RAB5A: variants seen among roughly 807,000 people sequenced by gnomAD.
RAB5A encodes ras-related protein Rab-5A.
A neutral mutation model predicts 25.7 loss-of-function variants in RAB5A; 8 were observed. The ratio of observed to expected loss-of-function variants is 0.31; its 90% CI spans 0.18 to 0.56. The LOEUF (loss-of-function observed/expected upper bound fraction) is 0.56. RAB5A is among the 20% of genes least tolerant of loss of function. The probability of loss-of-function intolerance (pLI) is 0.91; values close to 1 mark genes in which losing one functional copy is unlikely to be tolerated. For missense variants in RAB5A, 192 were observed against 259.7 expected, an observed-to-expected ratio of 0.74 and a Z score of 1.79; for synonymous variants, 98 against 89.8, an observed-to-expected ratio of 1.09 and a Z score of -0.52.
chr3:19,978,702 C>G (rs1012660956), intron 5 of RAB5A: 2 of 200,164 alleles, frequency 1.0e-5, no homozygotes, highest in East Asian at 2.3e-4. Context: ...ATAGTTCAGA[C>G]AGACAGATTT....
At chr3:19,958,222 G>A (rs1322151971) in intron 2 of RAB5A, among the ~76,000 whole-genome samples, 1 of 152,142 alleles carries the variant, frequency 6.6e-6, no homozygotes, top group Non-Finnish European at 1.5e-5. Context: ...ATTTGTGGAA[G>A]TTAATCATTT....
intron 2 of RAB5A, among the ~76,000 whole-genome samples, chr3:19,957,671 C>T (rs1023553667): frequency 6.7e-6 from 1 of 149,128 alleles, no homozygotes; most frequent in Non-Finnish European, 1.5e-5. Context: ...GCGGAGGTTG[C>T]AGTGAGCTGA....
At position 19,984,603 on chromosome 3, in the gene RAB5A, T is replaced by G. The variant is rs1696997313; in HGVS notation, c.*780T>G. ...GCTGGCCATTACACAGGTTTTGTTG[T>G]TTGGGGTGGGGAGGGGGCTTTTGTT... On this transcript the variant is annotated 3_prime_UTR_variant, in exon 6 of 6. Transcript: ENST00000273047. 1 of 164,038 alleles carries G rather than the reference T, an allele frequency of 6.1e-6. No homozygotes were observed. The highest frequency in any genetic ancestry group is 1.3e-5 in the Non-Finnish European group (1 of 75,718). 10.2% of individuals were successfully genotyped at this position (164,038 alleles called of 1,614,324 possible).
chr3:19,954,975 A>T (rs1421642999), intron 2 of RAB5A, among the ~76,000 whole-genome samples: 1 of 152,160 alleles, frequency 6.6e-6, no homozygotes, highest in Non-Finnish European at 1.5e-5. Flanking sequence ...TTATGTTTCT[A>T]TTGTTGGTCT....
chr3:19,964,200 A>G (rs181688323), intron 2 of RAB5A, among the ~76,000 whole-genome samples: 21 of 144,632 alleles, frequency 1.5e-4, no homozygotes, highest in Non-Finnish European at 3.1e-4. Context: ...TCAGTAAAGT[A>G]TCTGTTGCCT....
At chr3:19,954,043 T>A (rs974520436) in intron 2 of RAB5A, among the ~76,000 whole-genome samples, 1 of 152,046 alleles carries the variant, frequency 6.6e-6, no homozygotes, top group Admixed American at 6.5e-5. Flanking sequence ...GAGACGGAAT[T>A]TCACTACGTG....
intron 2 of RAB5A, among the ~76,000 whole-genome samples, chr3:19,953,592 G>C (rs2125179055): frequency 6.6e-6 from 1 of 152,156 alleles, no homozygotes; most frequent in Admixed American, 6.5e-5. Flanking sequence ...ATTTTTAGTA[G>C]AGATGGGGTT....
intron 2 of RAB5A, among the ~76,000 whole-genome samples, chr3:19,966,975 T>C (rs1696670671): frequency 6.6e-6 from 1 of 152,172 alleles, no homozygotes. Flanking sequence ...AAATTTTTTA[T>C]AGAGACAGAG....
At chr3:19,981,735 A>G (rs543016031) in intron 5 of RAB5A, among the ~76,000 whole-genome samples, 1 of 152,176 alleles carries the variant, frequency 6.6e-6, no homozygotes. Flanking sequence ...ATCAGTGGGA[A>G]GCACACTCCA....
chr3:19,957,910 C>A (rs117881672), intron 2 of RAB5A, among the ~76,000 whole-genome samples: 2 of 152,248 alleles, frequency 1.3e-5, no homozygotes, highest in East Asian at 3.9e-4. Flanking sequence ...AATAAAGTTA[C>A]TTCCTAAACA....
chr3:19,956,435 C>A (rs1160129635), intron 2 of RAB5A, among the ~76,000 whole-genome samples: 1 of 152,192 alleles, frequency 6.6e-6, no homozygotes, highest in African/African-American at 2.4e-5. Flanking sequence ...GCCTGGGCGA[C>A]AGGGCGAGAC....
intron 2 of RAB5A, chr3:19,951,300 C>T: frequency 2.6e-6 from 1 of 388,908 alleles, no homozygotes; most frequent in East Asian, 4.1e-5. Flanking sequence ...AGATAAAAAA[C>T]ATGAGTAGAA....
At chr3:19,969,809 T>C (rs1382566622) in intron 2 of RAB5A, among the ~76,000 whole-genome samples, 1 of 152,204 alleles carries the variant, frequency 6.6e-6, no homozygotes. Context: ...TTACTTTGTT[T>C]TTCTTTTTTT....
intron 2 of RAB5A, among the ~76,000 whole-genome samples, chr3:19,965,394 T>C (rs1208983665): frequency 6.8e-6 from 1 of 147,712 alleles, no homozygotes; most frequent in East Asian, 2.0e-4. Context: ...TGCCCCAACC[T>C]GGGTGACAGT....
chr3:19,968,682 A>G (rs970205340), intron 2 of RAB5A, among the ~76,000 whole-genome samples: 1 of 152,088 alleles, frequency 6.6e-6, no homozygotes, highest in African/African-American at 2.4e-5. Flanking sequence ...GCTGGTCTCA[A>G]ACTCTGGGCC....
intron 2 of RAB5A, among the ~76,000 whole-genome samples, chr3:19,974,722 G>GAAAAAAAAAAAA (rs151258629): frequency 2.8e-5 from 4 of 141,880 alleles, no homozygotes; most frequent in African/African-American, 1.1e-4. Flanking sequence ...CTGTGTCTCA[G>GAAAAAAAAAAAA]AAAAAGAAAA....
chr3:19,956,753 A>G (rs1334624597), intron 2 of RAB5A, among the ~76,000 whole-genome samples: 2 of 152,182 alleles, frequency 1.3e-5, no homozygotes, highest in Non-Finnish European at 1.5e-5. Flanking sequence ...TGGCACAGTA[A>G]AAGGTTTATT....
chr3:19,948,071 C>CTA (rs1488932864), intron 1 of RAB5A, among the ~76,000 whole-genome samples: 5 of 152,070 alleles, frequency 3.3e-5, no homozygotes, highest in African/African-American at 1.2e-4. Context: ...AATAGGCTGT[C>CTA]TAGAGACTTG....
At chr3:19,964,189 T>C (rs963587200) in intron 2 of RAB5A, among the ~76,000 whole-genome samples, 3 of 151,634 alleles carry the variant, frequency 2.0e-5, no homozygotes, top group Non-Finnish European at 4.4e-5. Flanking sequence ...TATTGAACTG[T>C]TCAGTAAAGT....
Sources: allele counts gnomAD v4.1 joint callset (sites outside exome capture counted in the v4.1 genomes callset), GRCh38; gene constraint gnomAD v4.1.1; transcripts MANE v1.5; gene names NCBI Gene and HGNC (gene_info 2026-07-23, HGNC 2026-07-21).